The following NCR2 variants were observed in gnomAD, a reference collection of about 807,000 sequenced individuals.
The protein encoded by NCR2 is natural cytotoxicity triggering receptor 2, also known as NK cell activating receptor (NKp44).
NCR2 carries 35 observed loss-of-function variants against 30.7 expected under a neutral mutation model. The observed-to-expected ratio is 1.14, with a 90% confidence interval of 0.87 to 1.51. The LOEUF (loss-of-function observed/expected upper bound fraction) is 1.51. NCR2 is among the 40% of genes most tolerant of loss of function. The pLI, the probability that NCR2 is intolerant of heterozygous loss-of-function variation, is 0.00. For synonymous variants in NCR2, 146 were observed against 134.8 expected (o/e 1.08, Z -0.58); for missense variants, 316 against 328.9 (o/e 0.96, Z 0.30).
chr6:41,339,671 C>T (rs1302060681), intron 2 of NCR2, among the ~76,000 whole-genome samples: 1 of 152,182 alleles, frequency 6.6e-6, no homozygotes, highest in Non-Finnish European at 1.5e-5. Context: ...AGGCGTGAGC[C>T]ACTGCACCTG....
At position 41,335,889 on chromosome 6, in the gene NCR2, G is replaced by A. The variant is rs960748819; in HGVS notation, c.13G>A (p.Ala5Thr). The A allele has an allele frequency of 3.2e-6, 5 of 1,569,480 alleles. No homozygotes were observed. The highest frequency in any genetic ancestry group is 1.7e-4 in the Middle Eastern group (1 of 6,016). Residue 5 changes from alanine to threonine, a missense_variant, in exon 1 of 5, where the codon GCC becomes ACC. Transcript: ENST00000373089. The stretch of plus-strand genomic sequence containing the variant: ...GGAAAAGGACCACATGGCCTGGCGA[G>A]CCCTACACCCACTGCTACTGCTGCT... MAWR[A>T]LHPLLLLLLL... is the part of the protein sequence containing the mutation.
intron 4 of NCR2, among the ~76,000 whole-genome samples, chr6:41,348,465 C>CAA (rs35757553): frequency 1.2e-3 from 179 of 147,398 alleles, no homozygotes; most frequent in Admixed American, 2.3e-3. Context: ...AAGGGGGAGA[C>CAA]AAAAAAAAAA....
intron 4 of NCR2, chr6:41,343,059 A>C: frequency 6.6e-7 from 1 of 1,511,328 alleles, no homozygotes; most frequent in East Asian, 2.5e-5. Flanking sequence ...CTGGGCTCCC[A>C]GCAGCTCCTC....
At chr6:41,340,078 TA>T (rs1769131575) in intron 2 of NCR2, among the ~76,000 whole-genome samples, 1 of 152,222 alleles carries the variant, frequency 6.6e-6, no homozygotes, top group African/African-American at 2.4e-5. Flanking sequence ...AAAATGATTG[TA>T]AAAATAATAA....
chr6:41,338,395 CT>C (rs202190390), intron 2 of NCR2, among the ~76,000 whole-genome samples: 2 of 152,104 alleles, frequency 1.3e-5, no homozygotes, highest in African/African-American at 2.4e-5. Flanking sequence ...AGTTAAGCTG[CT>C]TTTTTTTCAT....
rs770997096 is a variant in NCR2 at position 41,335,855 on chromosome 6, G to A, written c.-22G>A. Reference sequence around the variant, plus strand: ...GTCTTCTCCAGGTGTCCCCTCCCATGAGCGCACAGGAAAAGGACCACATGG... The same window carrying A: ...GTCTTCTCCAGGTGTCCCCTCCCATAAGCGCACAGGAAAAGGACCACATGG... On this transcript the variant is annotated 5_prime_UTR_variant, in exon 1 of 5. An upstream start codon of the reference 5' UTR is lost. Transcript: ENST00000373089. 4.5e-6 allele frequency: 7 copies of A among 1,560,948 alleles called. No individual in the cohort carries two copies. Among genetic ancestry groups the A allele is most frequent in the Admixed American group, 3.9e-5 (2 of 51,822 alleles).
chr6:41,336,482 C>T (rs1398546969), intron 2 of NCR2, 54 bp downstream of exon 2: 3 of 1,444,942 alleles, frequency 2.1e-6, no homozygotes, highest in Non-Finnish European at 2.9e-6. Flanking sequence ...CCTTTTGGTG[C>T]CTCCATCACC....
rs145772502 is a variant in NCR2 at position 41,342,108 on chromosome 6, C to T, written c.603C>T (p.Leu201=). Reference sequence around the variant, plus strand: ...TGGTGCCTGTGTTCTGTGGACTCCTCGTAGCCAAGAGCCTGGTGCTGTCAG... The same window carrying T: ...TGGTGCCTGTGTTCTGTGGACTCCTTGTAGCCAAGAGCCTGGTGCTGTCAG... ...IALVPVFCGL[L]VAKSLVLSAL... Residue 201 remains leucine (L), a synonymous_variant, in exon 4 of 5, where the codon CTC becomes CTT. Transcript: ENST00000373089. The T allele has an allele frequency of 6.8e-6, 11 of 1,613,548 alleles. No homozygotes were observed. Among genetic ancestry groups the T allele is most frequent in the African/African-American group, 4.0e-5 (3 of 74,912 alleles).
chr6:41,345,207 T>C (rs979911157), intron 4 of NCR2, among the ~76,000 whole-genome samples: 11 of 152,122 alleles, frequency 7.2e-5, no homozygotes, highest in African/African-American at 2.4e-4. Context: ...GTCTAAGTGA[T>C]TCTTAAAGTT....
In NCR2 at chr6:41,336,054, C is replaced by T. The variant is rs374771279; in HGVS notation, c.53-33C>T. 122 of 1,602,134 alleles carry T rather than the reference C, an allele frequency of 7.6e-5. No individual in the cohort carries two copies. In the African/African-American group the frequency reaches 1.5e-3, roughly 20 times the overall value. On this transcript the variant is annotated intron_variant, in intron 1 of 4. Coordinates refer to ENST00000373089, the MANE Select transcript of NCR2 (RefSeq NM_004828.4). ...GCTGTGAGGCAGGTTGTGCGCGTGG[C>T]CTTGACCTATGCGTTACTTCATCAT... is the stretch of plus-strand genomic sequence containing the variant.
At chr6:41,350,555 T>C in intron 4 of NCR2, 123 bp from the exon 5 acceptor site, 1 of 783,492 alleles carries the variant, frequency 1.3e-6, no homozygotes, top group Non-Finnish European at 2.1e-6. Context: ...GACTTCATCC[T>C]TGTGAGGTGG....
chr6:41,338,302 C>T (rs1228677090), intron 2 of NCR2, among the ~76,000 whole-genome samples: 2 of 152,196 alleles, frequency 1.3e-5, no homozygotes, highest in Non-Finnish European at 2.9e-5. Flanking sequence ...CATATTACCA[C>T]ATAATAAAGA....
rs552171330 is a variant in NCR2 at position 41,336,206 on chromosome 6, G to C, written c.172G>C (p.Ala58Pro). 1.2e-6 allele frequency: 2 copies of C among 1,614,172 alleles called. No homozygotes were observed. Among genetic ancestry groups the C allele is most frequent in the South Asian group, 1.1e-5 (1 of 91,086 alleles). ...LYEKKGWCKEASALVCIRLVT... is the reference protein window; with the variant it reads ...LYEKKGWCKEPSALVCIRLVT... ...CGAGAAGAAAGGCTGGTGTAAGGAGGCTTCAGCACTTGTGTGCATCAGGTT... is the reference window on the plus strand; with the variant it reads ...CGAGAAGAAAGGCTGGTGTAAGGAGCCTTCAGCACTTGTGTGCATCAGGTT... Residue 58 changes from alanine (A) to proline (P), a missense_variant, in exon 2 of 5, where the codon GCT becomes CCT. Transcript: ENST00000373089.
Position 41,335,653 on chromosome 6 carries a change from C to G in NCR2, c.-224C>G. 1 of 578,276 alleles carries G rather than the reference C, an allele frequency of 1.7e-6. No individual in the cohort carries two copies. The highest frequency in any genetic ancestry group is 2.0e-5 in the South Asian group (1 of 51,016). 35.8% of individuals were successfully genotyped at this position (578,276 alleles called of 1,614,324 possible). A position where few individuals can be genotyped will look rare whatever the true frequency, so the allele number is the denominator to read the frequency against. ...TGGGAAGCTGTGTGCCAGACAGCGC[C>G]GAGCCCACCAGACCCAGACTCACCT... On this transcript the variant is annotated 5_prime_UTR_variant, in exon 1 of 5. Coordinates refer to ENST00000373089, the MANE Select transcript of NCR2 (RefSeq NM_004828.4).
intron 2 of NCR2, among the ~76,000 whole-genome samples, chr6:41,337,772 A>G (rs1390574780): frequency 6.6e-6 from 1 of 152,208 alleles, no homozygotes; most frequent in East Asian, 1.9e-4. Flanking sequence ...CGATGCTGTA[A>G]TTTCAAAATG....
chr6:41,345,909 C>T (rs915330056), intron 4 of NCR2, among the ~76,000 whole-genome samples: 11 of 152,172 alleles, frequency 7.2e-5, no homozygotes, highest in African/African-American at 1.9e-4. Flanking sequence ...ATGCTTTCTC[C>T]GCAGTTCTCT....
At chr6:41,343,096 C>A in intron 4 of NCR2, 2 of 1,332,108 alleles carry the variant, frequency 1.5e-6, no homozygotes, top group African/African-American at 1.5e-5. Context: ...TGCTGTTATC[C>A]GCAAAGAAAA....
chr6:41,336,352 T>TGG lies in NCR2; in HGVS notation c.318_319insGG (p.Tyr107GlyfsTer97), dbSNP rs1349308036. On this transcript the variant is annotated frameshift_variant, in exon 2 of 5. Transcript: ENST00000373089. LOFTEE classifies it high-confidence loss of function. ...ATCTGAGAGAGGAAGACTCAGGACA[T>TGG]TACTGGTGTAGAATCTACCGCCCTT... 1 of 1,614,028 alleles carries TGG rather than the reference T, an allele frequency of 6.2e-7. No individual in the cohort carries two copies. The highest frequency in any genetic ancestry group is 1.1e-5 in the South Asian group (1 of 91,088).
intron 1 of NCR2, 35 bp from the exon 2 acceptor site, chr6:41,336,052 G>A (rs764256277): frequency 1.9e-6 from 3 of 1,597,958 alleles, no homozygotes; most frequent in Admixed American, 1.7e-5. Context: ...TTGTGCGCGT[G>A]GCCTTGACCT....
Sources: allele counts gnomAD v4.1 joint callset (sites outside exome capture counted in the v4.1 genomes callset), GRCh38; gene constraint gnomAD v4.1.1; transcripts MANE v1.5; gene names NCBI Gene and HGNC (gene_info 2026-07-23, HGNC 2026-07-21).